The following POU3F3 variants were observed in gnomAD, a reference collection of about 807,000 sequenced individuals.
The protein encoded by POU3F3 is POU domain, class 3, transcription factor 3.
POU3F3 carries 1 observed loss-of-function variant against 8.6 expected under a neutral mutation model. The ratio of observed to expected loss-of-function variants is 0.12; its 90% CI spans 0.04 to 0.55. POU3F3 has a LOEUF of 0.55. POU3F3 is among the 20% of genes least tolerant of loss of function. POU3F3 has a pLI of 0.91. For synonymous variants in POU3F3, 418 were observed against 327.4 expected (o/e 1.28, Z -2.99); for missense variants, 577 against 690.7 (o/e 0.84, Z 1.84).
chr2:104,914,409 C>T, the POU3F3 span, among the ~76,000 whole-genome samples: 2 of 152,208 alleles, frequency 1.3e-5, no homozygotes, highest in Non-Finnish European at 2.9e-5. Context: ...CTGATCATTT[C>T]TTCCCAAGCT....
chr2:104,868,587 A>T, the POU3F3 span, among the ~76,000 whole-genome samples: 3 of 152,190 alleles, frequency 2.0e-5, no homozygotes, highest in East Asian at 5.8e-4. Context: ...CCCTCAGGCC[A>T]GACCTCCAGA....
chr2:104,926,585 C>A, the POU3F3 span, among the ~76,000 whole-genome samples: 2 of 152,126 alleles, frequency 1.3e-5, no homozygotes, highest in Admixed American at 6.6e-5. Flanking sequence ...TACCATTTGA[C>A]CCAGCAATCC....
the POU3F3 span, among the ~76,000 whole-genome samples, chr2:104,864,226 G>A: frequency 1.3e-5 from 2 of 152,256 alleles, no homozygotes; most frequent in South Asian, 2.1e-4. Context: ...CCGCCAAGGA[G>A]ATCGCACGCC....
At chr2:104,914,811 T>C in the POU3F3 span, among the ~76,000 whole-genome samples, 2 of 152,176 alleles carry the variant, frequency 1.3e-5, no homozygotes, top group Non-Finnish European at 2.9e-5. Flanking sequence ...GGAGAAGATC[T>C]GACCCGGACA....
chr2:104,897,640 A>G, the POU3F3 span, among the ~76,000 whole-genome samples: 1 of 152,188 alleles, frequency 6.6e-6, no homozygotes, highest in Non-Finnish European at 1.5e-5. Flanking sequence ...CCCTGCTCTC[A>G]GGCAAAGGAA....
chr2:104,870,597 A>G, the POU3F3 span, among the ~76,000 whole-genome samples: 1 of 152,204 alleles, frequency 6.6e-6, no homozygotes, highest in Non-Finnish European at 1.5e-5. Context: ...AAACTATGGG[A>G]CAATGAGCAG....
rs1326145747 is a variant in POU3F3 at position 104,857,081 on chromosome 2, C to T, written c.*68C>T. On this transcript the variant is annotated 3_prime_UTR_variant, in exon 1 of 1. Transcript: ENST00000361360. The stretch of plus-strand genomic sequence containing the variant: ...CCGCAGCCGCCGTCAGCACCGCCGC[C>T]GCCCCTGCCGCCGCCGCCGCCGCCG... The T allele has an allele frequency of 4.8e-6, 5 of 1,049,366 alleles. No individual in the cohort carries two copies. The highest frequency in any genetic ancestry group is 5.7e-6 in the Non-Finnish European group (5 of 872,602). 65.0% of individuals were successfully genotyped at this position (1,049,366 alleles called of 1,614,324 possible). A position where few individuals can be genotyped will look rare whatever the true frequency, so the allele number is the denominator to read the frequency against.
chr2:104,927,553 G>A, the POU3F3 span, among the ~76,000 whole-genome samples: 40 of 151,954 alleles, frequency 2.6e-4, no homozygotes, highest in African/African-American at 9.2e-4. Flanking sequence ...CAAAGAGTTC[G>A]AGATCACGCT....
At chr2:104,881,904 C>T in the POU3F3 span, among the ~76,000 whole-genome samples, 3 of 152,182 alleles carry the variant, frequency 2.0e-5, no homozygotes, top group African/African-American at 7.2e-5. Context: ...TGATTATCAT[C>T]GTTCCCACTC....
At chr2:104,892,989 G>A in the POU3F3 span, among the ~76,000 whole-genome samples, 1 of 152,178 alleles carries the variant, frequency 6.6e-6, no homozygotes, top group Non-Finnish European at 1.5e-5. Context: ...GGGCATTCAT[G>A]TTATTTCACT....
chr2:104,911,942 TAAG>T, the POU3F3 span, among the ~76,000 whole-genome samples: 6 of 152,124 alleles, frequency 3.9e-5, no homozygotes, highest in Admixed American at 3.9e-4. Flanking sequence ...ATTAAAAACT[TAAG>T]AGCCAATTTT....
At chr2:104,901,410 G>A in the POU3F3 span, among the ~76,000 whole-genome samples, 1 of 152,212 alleles carries the variant, frequency 6.6e-6, no homozygotes, top group East Asian at 1.9e-4. Flanking sequence ...GCACTGAGCT[G>A]CTCCTTGGGG....
At chr2:104,865,279 G>C in the POU3F3 span, 1 of 152,220 alleles carries the variant, frequency 6.6e-6, no homozygotes, top group Non-Finnish European at 1.5e-5. Flanking sequence ...GTGGAATCAA[G>C]TGTGAATCAT....
the POU3F3 span, among the ~76,000 whole-genome samples, chr2:104,890,453 C>T: frequency 1.3e-5 from 2 of 152,160 alleles, no homozygotes. Context: ...TCCATGGCCA[C>T]AATAACATCT....
the POU3F3 span, among the ~76,000 whole-genome samples, chr2:104,901,440 G>C: frequency 1.3e-5 from 2 of 152,152 alleles, no homozygotes; most frequent in Non-Finnish European, 2.9e-5. Context: ...CACGGCAGCC[G>C]GGTGAGTGCT....
chr2:104,904,220 G>A, the POU3F3 span, among the ~76,000 whole-genome samples: 1,583 of 152,282 alleles, frequency 0.01, 8 homozygotes, highest in Non-Finnish European at 0.018. Context: ...CAGCTGTGGG[G>A]AACGGTTGGA....
the POU3F3 span, among the ~76,000 whole-genome samples, chr2:104,871,703 C>T: frequency 6.6e-6 from 1 of 152,180 alleles, no homozygotes; most frequent in Non-Finnish European, 1.5e-5. Flanking sequence ...ATAAACATTA[C>T]AGATCTGGGC....
the POU3F3 span, chr2:104,872,627 C>G: frequency 1.5e-5 from 4 of 262,588 alleles, no homozygotes; most frequent in Admixed American, 5.6e-5. The surrounding 1 kb of genome is among the most constrained non-coding windows in gnomAD (Gnocchi z 4.6). Flanking sequence ...GCGCGGAAAC[C>G]CAGGCCGCGG....
the POU3F3 span, among the ~76,000 whole-genome samples, chr2:104,887,137 G>A: frequency 6.6e-6 from 1 of 152,110 alleles, no homozygotes; most frequent in Non-Finnish European, 1.5e-5. Flanking sequence ...CGGCACTGGT[G>A]GGAGTGTAGC....
Sources: allele counts gnomAD v4.1 joint callset (sites outside exome capture counted in the v4.1 genomes callset), GRCh38; gene constraint gnomAD v4.1.1; non-coding constraint Gnocchi (gnomAD v3.1); transcripts MANE v1.5; gene names NCBI Gene and HGNC (gene_info 2026-07-23, HGNC 2026-07-21).